MCM9: variants seen among roughly 807,000 people sequenced by gnomAD.
MCM9 encodes DNA helicase MCM9.
MCM9 carries 55 observed loss-of-function variants against 72.8 expected under a neutral mutation model. The observed-to-expected ratio is 0.76, with a 90% CI of 0.61 to 0.95. The LOEUF is 0.95. MCM9 is among the 40% of genes least tolerant of loss of function. The pLI, the probability that MCM9 is intolerant of heterozygous loss-of-function variation, is 0.00. For missense variants in MCM9, 1,279 were observed against 1,377.0 expected (o/e 0.93, Z 1.13); for synonymous variants, 480 against 503.4 (o/e 0.95, Z 0.62).
In MCM9 at chr6:118,826,712, A is replaced by G. The variant is rs1461490509; in HGVS notation, c.1815+70T>C. 8 of 1,125,644 alleles carry G rather than the reference A, an allele frequency of 7.1e-6. No individual in the cohort carries two copies. In the Admixed American group the frequency reaches 9.8e-5, roughly 14 times the overall value. The allele number at this position is 1,125,644 out of a possible 1,614,324, so 69.7% of individuals were successfully genotyped here. ...TTTTAATAACTTTTGATATGTTAAT[A>G]AAGTGTCCTTTTTTAAAAAAAAGAA... On this transcript the variant is annotated intron_variant, in intron 12 of 13. Transcript: ENST00000619706.
In MCM9 at chr6:118,814,591, A is replaced by G. The variant is rs554302531; in HGVS notation, c.*233T>C. ...AAGTACTCCATTTGTAAAATTAAGC[A>G]CAACATAATTAATTCAGCTCAGCTG... On this transcript the variant is annotated 3_prime_UTR_variant, in exon 14 of 14. Coordinates refer to ENST00000619706, the MANE Select transcript of MCM9 (RefSeq NM_017696.3). 3.0e-5 allele frequency: 11 copies of G among 369,070 alleles called. No individual in the cohort carries two copies. Among genetic ancestry groups the G allele is most frequent in the Non-Finnish European group, 9.6e-6 (2 of 207,886 alleles). The allele number at this position is 369,070 out of a possible 1,614,324, so 22.9% of individuals were successfully genotyped here. A position where few individuals can be genotyped will look rare whatever the true frequency, so the allele number is the denominator to read the frequency against.
Position 118,875,633 on chromosome 6 carries a change from C to T in MCM9, c.1151-19088G>A, listed in dbSNP as rs1777885137. On this transcript the variant is annotated intron_variant, in intron 8 of 13. Transcript: ENST00000619706. ...CCTGGGCAACAGAGTGAGACCCTGT[C>T]TCAAAAAAATAATAATAATAATTAA... 2.2e-5 allele frequency among the ~76,000 whole-genome samples: 3 copies of T among 135,536 alleles called. No individual in the cohort carries two copies. In the South Asian group the frequency reaches 7.8e-4, roughly 35 times the overall value. 88.9% of individuals were successfully genotyped at this position (135,536 alleles called of 152,430 possible). A position where few individuals can be genotyped will look rare whatever the true frequency, so the allele number is the denominator to read the frequency against.
At chr6:118,845,122 G>A (rs988498556) in intron 9 of MCM9, among the ~76,000 whole-genome samples, 10 of 151,658 alleles carry the variant, frequency 6.6e-5, no homozygotes, top group Non-Finnish European at 1.5e-5. Flanking sequence ...CATTTGAAAC[G>A]GAGACAGGAA....
At position 118,829,208 on chromosome 6, in the gene MCM9, T is replaced by C; in HGVS notation, c.1368A>G (p.Ala456=). 1.9e-6 allele frequency: 3 copies of C among 1,550,714 alleles called. No homozygotes were observed. The highest frequency in any genetic ancestry group is 2.6e-6 in the Non-Finnish European group (3 of 1,146,954). The change falls in exon 10 of 14, where the codon GCA becomes GCG. Residue 456 remains alanine (A), a synonymous_variant. Coordinates refer to ENST00000619706, the MANE Select transcript of MCM9 (RefSeq NM_017696.3). The part of the protein sequence containing the change: ...KLNTRTTILA[A]TNPKGQYDPQ... Reference sequence around the variant, plus strand: ...GGTCGTACTGGCCTTTGGGGTTCGTTGCTGCCAGGATGGTGGTCCTTGTGT... The same window carrying C: ...GGTCGTACTGGCCTTTGGGGTTCGTCGCTGCCAGGATGGTGGTCCTTGTGT...
chr6:118,821,388 A>G (rs1002795933), intron 13 of MCM9, among the ~76,000 whole-genome samples: 1 of 152,156 alleles, frequency 6.6e-6, no homozygotes, highest in Non-Finnish European at 1.5e-5. Flanking sequence ...TATGAAGCTT[A>G]GTTTGGCTGG....
chr6:118,877,548 T>C (rs1000273609), intron 8 of MCM9, among the ~76,000 whole-genome samples: 15 of 152,216 alleles, frequency 9.9e-5, no homozygotes, highest in African/African-American at 3.4e-4. Flanking sequence ...ACAGTGCAAG[T>C]ACTGGCAAGG....
intron 5 of MCM9, chr6:118,921,237 G>T (rs1199826703): frequency 6.6e-6 from 1 of 152,038 alleles, no homozygotes; most frequent in Non-Finnish European, 1.5e-5. Context: ...ACCATCTAAG[G>T]CCCATGTTAG....
chr6:118,888,040 T>C (rs1056628249), intron 8 of MCM9, among the ~76,000 whole-genome samples: 11 of 152,134 alleles, frequency 7.2e-5, no homozygotes, highest in Admixed American at 7.2e-4. Context: ...TTAACATCTT[T>C]AGCCATCAGG....
At chr6:118,834,113 G>T (rs559261075) in intron 9 of MCM9, among the ~76,000 whole-genome samples, 7 of 152,142 alleles carry the variant, frequency 4.6e-5, no homozygotes, top group Admixed American at 3.9e-4. Context: ...AACATGCAGT[G>T]TTTGGTTTTC....
intron 9 of MCM9, among the ~76,000 whole-genome samples, chr6:118,830,509 A>G (rs184708899): frequency 6.6e-6 from 1 of 152,340 alleles, no homozygotes; most frequent in East Asian, 1.9e-4. Context: ...CTTATAATTT[A>G]TGTGTCAAAA....
chr6:118,828,930 T>C, intron 10 of MCM9, 118 bp downstream of exon 10: 8 of 1,029,018 alleles, frequency 7.8e-6, no homozygotes, highest in Non-Finnish European at 1.1e-5. Flanking sequence ...AGCTTTTCTC[T>C]ATTGCCTGGT....
At chr6:118,852,983 T>C (rs1776322780) in intron 9 of MCM9, among the ~76,000 whole-genome samples, 1 of 152,202 alleles carries the variant, frequency 6.6e-6, no homozygotes, top group Admixed American at 6.5e-5. Flanking sequence ...CAGCAGTTTG[T>C]TCCTTTATAT....
chr6:118,856,298 C>T (rs908692527), intron 9 of MCM9, 73 bp downstream of exon 9: 1 of 1,401,850 alleles, frequency 7.1e-7, no homozygotes, highest in Non-Finnish European at 9.5e-7. Context: ...TATAGCTCAA[C>T]AAGGTTCACA....
At chr6:118,843,714 ATATATG>A (rs1775653304) in intron 9 of MCM9, among the ~76,000 whole-genome samples, 3 of 80,932 alleles carry the variant, frequency 3.7e-5, no homozygotes, top group African/African-American at 4.8e-5. Context: ...GTATGTATAT[ATATATG>A]TATATATATA....
At chr6:118,843,167 T>C (rs1273341018) in intron 9 of MCM9, among the ~76,000 whole-genome samples, 1 of 152,164 alleles carries the variant, frequency 6.6e-6, no homozygotes, top group Non-Finnish European at 1.5e-5. Context: ...GATTATGATA[T>C]GCCCTTGTAG....
intron 13 of MCM9, among the ~76,000 whole-genome samples, chr6:118,821,610 C>CT (rs1320393443): frequency 1.3e-5 from 2 of 152,084 alleles, no homozygotes; most frequent in Non-Finnish European, 2.9e-5. Context: ...TGGAGTTGCC[C>CT]TTCTCGAAGA....
rs768791994 is a variant in MCM9, at chr6:118,844,956, TTCTGTGTAAACAGCCA to T, written c.1325+11399_1325+11414del. ...CCCAAGCACATAACCCCACAATTCC[TTCTGTGTAAACAGCCA>T]TACAGGAACAGCTGCCCACAGCAGT... On this transcript the variant is annotated intron_variant, in intron 9 of 13. Coordinates refer to ENST00000619706, the MANE Select transcript of MCM9 (RefSeq NM_017696.3). Among the ~76,000 whole-genome samples the T allele has an allele frequency of 1.0e-3, 153 of 151,998 alleles. 1 individual carries two copies. Among genetic ancestry groups the T allele is most frequent in the Admixed American group, 1.9e-3 (29 of 15,286 alleles).
chr6:118,851,114 C>T (rs1032387), intron 9 of MCM9, among the ~76,000 whole-genome samples: 8,780 of 151,822 alleles, frequency 0.058, 456 homozygotes, highest in East Asian at 0.19. Flanking sequence ...AGCCACTGTA[C>T]CCAGCCTAAA....
intron 8 of MCM9, among the ~76,000 whole-genome samples, chr6:118,869,599 CAAAAA>C: frequency 1.5e-4 from 9 of 58,298 alleles, no homozygotes; most frequent in Admixed American, 6.8e-4. Context: ...AAAGGATTTA[CAAAAA>C]AAAAAAAAAA....
Sources: allele counts gnomAD v4.1 joint callset (sites outside exome capture counted in the v4.1 genomes callset), GRCh38; gene constraint gnomAD v4.1.1; transcripts MANE v1.5; gene names NCBI Gene and HGNC (gene_info 2026-07-23, HGNC 2026-07-21).